The following SDK1 variants were observed in gnomAD, a reference collection of about 807,000 sequenced individuals.
SDK1 encodes the protein protein sidekick-1.
SDK1 carries 157 observed loss-of-function variants against 245.5 expected under a neutral mutation model. The ratio of observed to expected loss-of-function variants is 0.64; its 90% CI spans 0.56 to 0.73. The LOEUF (loss-of-function observed/expected upper bound fraction) is 0.73, where lower values mean the gene tolerates loss of function less well. SDK1 is among the 30% of genes least tolerant of loss of function. The pLI is 0.00. For missense variants in SDK1, 3,583 were observed against 3,002.3 expected (o/e 1.19, Z -4.52); for synonymous variants, 1,647 against 1,278.5 (o/e 1.29, Z -6.15).
chr7:3,916,207 C>G (rs1779373409), intron 5 of SDK1, among the ~76,000 whole-genome samples: 1 of 152,180 alleles, frequency 6.6e-6, no homozygotes, highest in African/African-American at 2.4e-5. Context: ...CTGTGAAGCC[C>G]TGACCAGCCC....
chr7:4,035,830 G>T (rs1354939652), intron 17 of SDK1, among the ~76,000 whole-genome samples: 4 of 152,048 alleles, frequency 2.6e-5, no homozygotes, highest in Non-Finnish European at 2.9e-5. Context: ...ACATGGCCTT[G>T]TCAAAAAAAC....
chr7:4,034,722 C>T (rs1034596301), intron 17 of SDK1, among the ~76,000 whole-genome samples: 2 of 152,144 alleles, frequency 1.3e-5, no homozygotes, highest in Non-Finnish European at 2.9e-5. Flanking sequence ...CAGGTACAAG[C>T]CTATTCGCTG....
Position 4,208,125 on chromosome 7 carries a change from G to A in SDK1, c.5241G>A (p.Gln1747=), listed in dbSNP as rs148337133. 1 of 1,613,710 alleles carries A rather than the reference G, an allele frequency of 6.2e-7. No individual in the cohort carries two copies. The highest frequency in any genetic ancestry group is 8.5e-7 in the Non-Finnish European group (1 of 1,179,930). The part of the protein sequence containing the change: ...YKIYYWEADS[Q]NETEKMKVLF... ...TTTACTACTGGGAGGCAGACAGCCA[G>A]AACGAAACGGAGAAAATGAAGGTCC... Residue 1747 remains glutamine (Q), a synonymous_variant, in exon 37 of 45, where the codon CAG becomes CAA. Transcript: ENST00000404826.
At chr7:3,368,924 G>C (rs551425922) in intron 1 of SDK1, among the ~76,000 whole-genome samples, 2 of 152,352 alleles carry the variant, frequency 1.3e-5, no homozygotes, top group South Asian at 4.1e-4. Context: ...GGAATGGTGT[G>C]TAATTCTGTG....
chr7:3,801,626 C>A (rs551950958), intron 4 of SDK1, among the ~76,000 whole-genome samples: 2 of 152,142 alleles, frequency 1.3e-5, no homozygotes, highest in African/African-American at 4.8e-5. Context: ...ATGATGAGTC[C>A]TTCTCATTGA....
rs114223007 is a variant in SDK1 at position 4,193,893 on chromosome 7, G to A, written c.5099-11986G>A. Among the ~76,000 whole-genome samples the A allele has an allele frequency of 9.7e-3, 1,477 of 152,298 alleles. 24 individuals carry two copies. The highest frequency in any genetic ancestry group is 0.034 in the African/African-American group (1,396 of 41,548). Reference sequence around the variant, plus strand: ...TTTCTTGGTTCTCCACACATGGTCAGAGGTATTATGTATAGAGTCCCTAAA... The same window carrying A: ...TTTCTTGGTTCTCCACACATGGTCAAAGGTATTATGTATAGAGTCCCTAAA... On this transcript the variant is annotated intron_variant, in intron 35 of 44. Transcript: ENST00000404826.
intron 1 of SDK1, among the ~76,000 whole-genome samples, chr7:3,446,966 G>C (rs1278207903): frequency 6.6e-6 from 1 of 152,156 alleles, no homozygotes; most frequent in East Asian, 1.9e-4. Flanking sequence ...AAATACAGAT[G>C]AGTTCTCTGG....
At chr7:3,863,553 C>T (rs1280465375) in intron 5 of SDK1, among the ~76,000 whole-genome samples, 3 of 152,290 alleles carry the variant, frequency 2.0e-5, no homozygotes, top group South Asian at 2.1e-4. Flanking sequence ...CAAACAGAAA[C>T]GCTGCACTCA....
chr7:3,385,089 A>G (rs868858940), intron 1 of SDK1, among the ~76,000 whole-genome samples: 19 of 152,166 alleles, frequency 1.2e-4, no homozygotes, highest in African/African-American at 4.6e-4. Context: ...AGTCTGTCAG[A>G]GGGAAAAGAC....
At chr7:3,852,658 G>A (rs1367481696) in intron 5 of SDK1, among the ~76,000 whole-genome samples, 2 of 149,854 alleles carry the variant, frequency 1.3e-5, no homozygotes, top group Non-Finnish European at 3.0e-5. Context: ...GGCTGAGGCA[G>A]GAGAATGGCG....
intron 5 of SDK1, among the ~76,000 whole-genome samples, chr7:3,949,572 T>C (rs77399436): frequency 1.1e-3 from 164 of 152,352 alleles, no homozygotes; most frequent in African/African-American, 3.9e-3. Flanking sequence ...TTTGCAGTCA[T>C]TTCCATTTAT....
chr7:3,405,470 A>T (rs1202530267), intron 1 of SDK1, among the ~76,000 whole-genome samples: 1 of 152,196 alleles, frequency 6.6e-6, no homozygotes, highest in African/African-American at 2.4e-5. Context: ...CAAAATTTGA[A>T]TGTATATGCT....
At chr7:4,001,143 G>A (rs781550578) in intron 14 of SDK1, among the ~76,000 whole-genome samples, 5 of 152,168 alleles carry the variant, frequency 3.3e-5, no homozygotes, top group Non-Finnish European at 7.3e-5. Flanking sequence ...CGCACGGTGC[G>A]GAATACAGCG....
chr7:4,231,228 G>T (rs1198745064), intron 40 of SDK1, among the ~76,000 whole-genome samples: 1 of 152,104 alleles, frequency 6.6e-6, no homozygotes, highest in Non-Finnish European at 1.5e-5. Context: ...CATTATTAGT[G>T]GTGATGAGTG....
chr7:3,868,040 T>A (rs776675817), intron 5 of SDK1, among the ~76,000 whole-genome samples: 1 of 152,190 alleles, frequency 6.6e-6, no homozygotes, highest in Non-Finnish European at 1.5e-5. Flanking sequence ...TTTGTTTGAA[T>A]GTTTCACGGA....
chr7:3,459,080 A>G lies in SDK1; in HGVS notation c.298+157196A>G, dbSNP rs114041053. On this transcript the variant is annotated intron_variant, in intron 1 of 44. Transcript: ENST00000404826. ...TTTCGAATGAGATTGCATTAAATCTATAGATTGACCTGGGACAATTGACAT... is the reference window on the plus strand; with the variant it reads ...TTTCGAATGAGATTGCATTAAATCTGTAGATTGACCTGGGACAATTGACAT... Among the ~76,000 whole-genome samples, 589 of 152,334 alleles carry G rather than the reference A, an allele frequency of 3.9e-3. 4 individuals carry two copies. The highest frequency in any genetic ancestry group is 0.013 in the African/African-American group (561 of 41,586).
chr7:3,479,639 G>A lies in SDK1; in HGVS notation c.299-139441G>A, dbSNP rs551910868. On this transcript the variant is annotated intron_variant, in intron 1 of 44. Coordinates refer to ENST00000404826, the MANE Select transcript of SDK1 (RefSeq NM_152744.4). ...AGCACTTTGGGAGGTCGAGGTGGGG[G>A]GATCATGAGGTCAGGAGTTCGAGAC... is the stretch of plus-strand genomic sequence containing the variant. Among the ~76,000 whole-genome samples, 61 of 151,384 alleles carry A rather than the reference G, an allele frequency of 4.0e-4. 1 individual carries two copies. In the South Asian group the frequency reaches 0.012, roughly 30 times the overall value.
At chr7:3,504,182 A>ATGTGTGTGTGTGTGTG (rs56306302) in intron 1 of SDK1, among the ~76,000 whole-genome samples, 7,995 of 131,782 alleles carry the variant, frequency 0.061, 350 homozygotes, top group South Asian at 0.12. Context: ...ATATATATAT[A>ATGTGTGTGTGTGTGTG]TGTGTGTGTG....
rs534047927 is a variant in SDK1, at chr7:3,989,847, C to T, written c.2131+2525C>T. Among the ~76,000 whole-genome samples, 3 of 152,218 alleles carry T rather than the reference C, an allele frequency of 2.0e-5. 1 individual carries two copies. The highest frequency in any genetic ancestry group is 7.2e-5 in the African/African-American group (3 of 41,462). On this transcript the variant is annotated intron_variant, in intron 14 of 44. Coordinates refer to ENST00000404826, the MANE Select transcript of SDK1 (RefSeq NM_152744.4). ...TTCTGATAATACTGCATGTTCACAC[C>T]ACAGCCACACAGTTTAATCCCCATT...
Sources: allele counts gnomAD v4.1 joint callset (sites outside exome capture counted in the v4.1 genomes callset), GRCh38; gene constraint gnomAD v4.1.1; transcripts MANE v1.5; gene names NCBI Gene and HGNC (gene_info 2026-07-23, HGNC 2026-07-21).